CA2: variants seen among roughly 807,000 people sequenced by gnomAD.
CA2 encodes the protein carbonic anhydrase 2.
CA2 carries 23 observed loss-of-function variants against 27.8 expected under a neutral mutation model. That is an observed-to-expected ratio of 0.83 (90% CI 0.59 to 1.17). CA2 has a LOEUF of 1.17. Ranked by LOEUF, CA2 falls within the 50% of genes most tolerant of loss-of-function variation. The pLI is 0.00. For missense variants in CA2, 300 were observed against 314.7 expected (o/e 0.95, Z 0.35); for synonymous variants, 99 against 114.9 (o/e 0.86, Z 0.88).
chr8:85,478,706 A>G lies in CA2; in HGVS notation c.663+1431A>G, dbSNP rs921778704. On this transcript the variant is annotated intron_variant, in intron 6 of 6. Coordinates refer to ENST00000285379, the MANE Select transcript of CA2 (RefSeq NM_000067.3). The stretch of plus-strand genomic sequence containing the variant: ...TGTTAATTGTATATATTGGCAAAAT[A>G]CCAATAGGGCTCTTTTTTTTGTCCT... 3.3e-5 allele frequency among the ~76,000 whole-genome samples: 5 copies of G among 152,084 alleles called. 1 individual carries two copies. Among genetic ancestry groups the G allele is most frequent in the Non-Finnish European group, 4.4e-5 (3 of 68,012 alleles).
intron 1 of CA2, chr8:85,464,383 G>C (rs1811587221): frequency 2.3e-6 from 1 of 432,268 alleles, no homozygotes; most frequent in Admixed American, 4.6e-5. Context: ...CGAGGGAGGG[G>C]AGGCGCAGCC....
At chr8:85,478,962 A>G (rs1015444666) in intron 6 of CA2, among the ~76,000 whole-genome samples, 1 of 152,204 alleles carries the variant, frequency 6.6e-6, no homozygotes, top group Non-Finnish European at 1.5e-5. Flanking sequence ...GAAGGCCCCT[A>G]GAAAACCTTT....
rs1406172191 is a variant in CA2, at chr8:85,480,706, G to C, written c.700G>C (p.Gly234Arg). 1.2e-6 allele frequency: 2 copies of C among 1,613,654 alleles called. No individual in the cohort carries two copies. Among genetic ancestry groups the C allele is most frequent in the Non-Finnish European group, 8.5e-7 (1 of 1,179,656 alleles). The change falls in exon 7 of 7, where the codon GGT (glycine) becomes CGT (arginine). Residue 234 changes from glycine (G) to arginine (R), a missense_variant. By Grantham distance (125) the Gly-to-Arg change is moderately radical. Transcript: ENST00000285379. The part of the protein sequence containing the change: ...KFRKLNFNGE[G>R]EPEELMVDNW... ...CCGTAAACTTAACTTCAATGGGGAG[G>C]GTGAACCCGAAGAACTGATGGTGGA...
chr8:85,476,781 T>G (rs886465601), intron 5 of CA2, among the ~76,000 whole-genome samples: 2 of 152,170 alleles, frequency 1.3e-5, no homozygotes, highest in African/African-American at 4.8e-5. Flanking sequence ...TGAAGTCACC[T>G]CATTTTAGTG....
At chr8:85,478,629 C>T (rs1175776831) in intron 6 of CA2, among the ~76,000 whole-genome samples, 2 of 152,154 alleles carry the variant, frequency 1.3e-5, no homozygotes, top group Non-Finnish European at 2.9e-5. Context: ...CTGCATTAAT[C>T]CCTGTACCCT....
chr8:85,468,562 C>A (rs1441299910), intron 2 of CA2, among the ~76,000 whole-genome samples: 1 of 152,164 alleles, frequency 6.6e-6, no homozygotes, highest in African/African-American at 2.4e-5. Context: ...AGTTCAAGAC[C>A]AGCCTGGCCA....
rs138023786 is a variant in CA2, at chr8:85,472,269, C to A, written c.233-1424C>A. Among the ~76,000 whole-genome samples the A allele has an allele frequency of 3.4e-3, 519 of 152,182 alleles. 4 individuals are homozygous for A. Among genetic ancestry groups the A allele is most frequent in the African/African-American group, 0.012 (489 of 41,526 alleles). On this transcript the variant is annotated intron_variant, in intron 2 of 6. Transcript: ENST00000285379. Reference sequence around the variant, plus strand: ...TAAAGCTAATAAAATACACTTATAGCAACAAATGTTTAATTCCCAGTACTA... The same window carrying A: ...TAAAGCTAATAAAATACACTTATAGAAACAAATGTTTAATTCCCAGTACTA...
At position 85,464,025 on chromosome 8, in the gene CA2, AG is replaced by A. The variant is rs1811573572; in HGVS notation, c.-56del. On this transcript the variant is annotated 5_prime_UTR_variant, in exon 1 of 7. Coordinates refer to ENST00000285379, the MANE Select transcript of CA2 (RefSeq NM_000067.3). ...CGCGGACACACAGTGCAGGCGCCCA[AG>A]CCGCCGCCGCCAGATCGGTGCCGAT... 2 of 1,523,982 alleles carry A rather than the reference AG, an allele frequency of 1.3e-6. No homozygotes were observed. The highest frequency in any genetic ancestry group is 2.8e-5 in the African/African-American group (2 of 72,110). 94.4% of individuals were successfully genotyped at this position (1,523,982 alleles called of 1,614,324 possible).
intron 1 of CA2, 56 bp downstream of exon 1, chr8:85,464,171 C>G: frequency 2.7e-6 from 4 of 1,479,410 alleles, no homozygotes; most frequent in Middle Eastern, 1.7e-4. Flanking sequence ...CCCCGATCCC[C>G]GATCCCCGAG....
chr8:85,480,109 C>A (rs1303154805), intron 6 of CA2, among the ~76,000 whole-genome samples: 2 of 152,002 alleles, frequency 1.3e-5, no homozygotes, highest in East Asian at 1.9e-4. Flanking sequence ...AAAAATGACC[C>A]CAACGAATTT....
At chr8:85,465,568 A>T in intron 2 of CA2, 99 bp downstream of exon 2, 1 of 953,402 alleles carries the variant, frequency 1.0e-6, no homozygotes, top group Non-Finnish European at 1.6e-6. Flanking sequence ...TCTTAATAAT[A>T]CAGTTTGTCT....
intron 1 of CA2, chr8:85,464,407 C>T (rs897319683): frequency 2.2e-5 from 9 of 405,146 alleles, no homozygotes; most frequent in Non-Finnish European, 2.2e-5. Context: ...GCCGCGGGAC[C>T]CGAGGACAGT....
chr8:85,471,147 C>T (rs570784124), intron 2 of CA2, among the ~76,000 whole-genome samples: 2 of 152,192 alleles, frequency 1.3e-5, no homozygotes, highest in South Asian at 4.2e-4. Flanking sequence ...GAGTTTATGG[C>T]AATTTATTAT....
chr8:85,477,076 C>T (rs1811811872), intron 5 of CA2, 44 bp from the exon 6 acceptor site: 2 of 1,606,046 alleles, frequency 1.2e-6, no homozygotes, highest in South Asian at 1.1e-5. Flanking sequence ...TCCTCCTACT[C>T]TGTCAATGTG....
chr8:85,475,986 A>G, intron 5 of CA2, 126 bp downstream of exon 5: 1 of 750,280 alleles, frequency 1.3e-6, no homozygotes, highest in South Asian at 1.5e-5. Flanking sequence ...GCAGTTAGTA[A>G]AGGTAGAATA....
chr8:85,476,900 A>AGTT (rs1811809232), intron 5 of CA2, among the ~76,000 whole-genome samples: 1 of 151,086 alleles, frequency 6.6e-6, no homozygotes, highest in Non-Finnish European at 1.5e-5. Flanking sequence ...ATGTGAAAAT[A>AGTT]GTTTTTTTTT....
intron 4 of CA2, 124 bp from the exon 5 acceptor site, chr8:85,475,674 T>C: frequency 1.0e-5 from 8 of 800,920 alleles, no homozygotes; most frequent in South Asian, 1.4e-5. Context: ...ATGGGGGTCA[T>C]GTATGAAGTG....
At chr8:85,470,445 CTAGTT>C (rs1418811088) in intron 2 of CA2, among the ~76,000 whole-genome samples, 2 of 152,032 alleles carry the variant, frequency 1.3e-5, no homozygotes, top group Admixed American at 6.5e-5. Context: ...ATTACTGGGA[CTAGTT>C]TATTTATATT....
chr8:85,468,836 C>CTT (rs33943397), intron 2 of CA2, among the ~76,000 whole-genome samples: 1 of 146,874 alleles, frequency 6.8e-6, no homozygotes, highest in East Asian at 2.0e-4. Flanking sequence ...GACTTTCTTT[C>CTT]TTTTTTTTTT....
Sources: gnomAD v4.1 joint callset for allele counts (sites outside exome capture counted in the v4.1 genomes callset) on GRCh38, gnomAD v4.1.1 for gene constraint, MANE v1.5 for transcripts, NCBI Gene and HGNC (gene_info 2026-07-23, HGNC 2026-07-21) for gene names.